The following REEP1 variants were observed in gnomAD, a reference collection of about 807,000 sequenced individuals.
REEP1 encodes the protein receptor expression-enhancing protein 1.
A neutral mutation model predicts 40.3 loss-of-function variants in REEP1; 22 were observed. The observed-to-expected ratio is 0.55, with a 90% CI of 0.39 to 0.78. REEP1 has a LOEUF of 0.78. REEP1 is among the 30% of genes least tolerant of loss of function. The pLI, the probability that REEP1 is intolerant of heterozygous loss-of-function variation, is 0.00. For missense variants in REEP1, 280 were observed against 361.1 expected (o/e 0.78, Z 1.82); for synonymous variants, 116 against 139.2 (o/e 0.83, Z 1.17).
At chr2:86,316,548 C>CAAAAA (rs58561932) in intron 1 of REEP1, among the ~76,000 whole-genome samples, 1,466 of 70,344 alleles carry the variant, frequency 0.021, 32 homozygotes, top group East Asian at 0.05. Context: ...AACTCTGTCT[C>CAAAAA]AAAAAAAAAA....
intron 1 of REEP1, among the ~76,000 whole-genome samples, chr2:86,300,732 T>C (rs1368666425): frequency 6.6e-6 from 1 of 152,182 alleles, no homozygotes; most frequent in Non-Finnish European, 1.5e-5. Flanking sequence ...TAAGGCCAGT[T>C]GGTTTTATCT....
intron 5 of REEP1, among the ~76,000 whole-genome samples, chr2:86,234,847 C>G (rs1006941232): frequency 4.6e-5 from 7 of 152,056 alleles, no homozygotes; most frequent in African/African-American, 1.7e-4. Flanking sequence ...AGCCAGACAC[C>G]CATTATATAA....
intron 2 of REEP1, among the ~76,000 whole-genome samples, chr2:86,265,370 G>A (rs1184511012): frequency 1.3e-5 from 2 of 152,090 alleles, no homozygotes; most frequent in East Asian, 1.9e-4. Flanking sequence ...AACACTAAGA[G>A]ATTAACTCTA....
In REEP1 at chr2:86,294,802, T is replaced by G. The variant is rs374745860; in HGVS notation, c.33-12560A>C. On this transcript the variant is annotated intron_variant, in intron 1 of 8. Coordinates refer to ENST00000538924, the MANE Select transcript of REEP1 (RefSeq NM_001371279.1). ...AACTTGTTCCAGAAAGGATCTGAGATGGCTTGGTTATAAATAATTGTGTGG... is the reference window on the plus strand; with the variant it reads ...AACTTGTTCCAGAAAGGATCTGAGAGGGCTTGGTTATAAATAATTGTGTGG... Among the ~76,000 whole-genome samples, 124 of 152,220 alleles carry G rather than the reference T, an allele frequency of 8.1e-4. 3 individuals are homozygous for G. In the South Asian group the frequency reaches 0.025, roughly 31 times the overall value.
rs1212558506 is a variant in REEP1, at chr2:86,217,005, A to T, written c.*34T>A. On this transcript the variant is annotated 3_prime_UTR_variant, in exon 9 of 9. Coordinates refer to ENST00000538924, the MANE Select transcript of REEP1 (RefSeq NM_001371279.1). The stretch of plus-strand genomic sequence containing the variant: ...TAGCTCTTTAAGGCAGAGAAGAAAC[A>T]TTCTGTGGATCCGGTGCTGTTGGCT... 1.3e-6 allele frequency: 2 copies of T among 1,587,264 alleles called. No homozygotes were observed. The highest frequency in any genetic ancestry group is 1.7e-5 in the Admixed American group (1 of 59,970).
chr2:86,297,633 C>G, intron 1 of REEP1: 1 of 895,684 alleles, frequency 1.1e-6, no homozygotes, highest in Non-Finnish European at 1.3e-6. Flanking sequence ...AAGAGAGATT[C>G]TCCCCGGGGG....
chr2:86,322,282 GT>G (rs1431630905), intron 1 of REEP1, among the ~76,000 whole-genome samples: 1 of 152,176 alleles, frequency 6.6e-6, no homozygotes, highest in Non-Finnish European at 1.5e-5. Context: ...GGTGGCTCAT[GT>G]TGGTAACCCC....
chr2:86,257,309 TA>T (rs1057134320), intron 3 of REEP1, among the ~76,000 whole-genome samples: 10 of 149,530 alleles, frequency 6.7e-5, no homozygotes, highest in Admixed American at 2.0e-4. Flanking sequence ...AGATGTCTTT[TA>T]AAAAAAATAG....
At chr2:86,322,510 G>C (rs1382289306) in intron 1 of REEP1, among the ~76,000 whole-genome samples, 1 of 152,144 alleles carries the variant, frequency 6.6e-6, no homozygotes, top group Non-Finnish European at 1.5e-5. Context: ...CTCCTGAGTA[G>C]CTGGGACCAC....
chr2:86,309,864 A>G (rs976170769), intron 1 of REEP1, among the ~76,000 whole-genome samples: 11 of 152,286 alleles, frequency 7.2e-5, no homozygotes, highest in African/African-American at 2.6e-4. Context: ...TGGGGGGGCA[A>G]TTGGCTGCCT....
chr2:86,280,766 G>A (rs1023965643), intron 2 of REEP1, among the ~76,000 whole-genome samples: 8 of 152,212 alleles, frequency 5.3e-5, no homozygotes, highest in Non-Finnish European at 1.2e-4. Flanking sequence ...AAGTTGTTCT[G>A]GGAAAGTGGG....
At chr2:86,285,927 G>C (rs1414858509) in intron 1 of REEP1, among the ~76,000 whole-genome samples, 1 of 152,126 alleles carries the variant, frequency 6.6e-6, no homozygotes, top group African/African-American at 2.4e-5. Context: ...AAGATGGAAG[G>C]CTGGAGTGCC....
chr2:86,333,856 T>C (rs1573073065), intron 1 of REEP1, among the ~76,000 whole-genome samples: 1 of 152,266 alleles, frequency 6.6e-6, no homozygotes, highest in African/African-American at 2.4e-5. Flanking sequence ...GCTATTGCAC[T>C]GAGTATCTCT....
chr2:86,327,771 G>A (rs1176953292), intron 1 of REEP1, among the ~76,000 whole-genome samples: 1 of 152,056 alleles, frequency 6.6e-6, no homozygotes, highest in African/African-American at 2.4e-5. Flanking sequence ...ATTTCACCGT[G>A]TTAGCCAGGA....
Position 86,322,065 on chromosome 2 carries a change from A to G in REEP1, c.32+15414T>C, listed in dbSNP as rs1183758925. Reference sequence around the variant, plus strand: ...GTTGTATTCTTCCAACAGTTGGAAGATGAAATTTTATTAAGATACTAAATA... The same window carrying G: ...GTTGTATTCTTCCAACAGTTGGAAGGTGAAATTTTATTAAGATACTAAATA... On this transcript the variant is annotated intron_variant, in intron 1 of 8. Transcript: ENST00000538924. Among the ~76,000 whole-genome samples the G allele has an allele frequency of 3.9e-5, 6 of 152,368 alleles. No individual in the cohort carries two copies. In the East Asian group the frequency reaches 1.2e-3, roughly 29 times the overall value.
At chr2:86,319,874 T>A (rs1680203611) in intron 1 of REEP1, among the ~76,000 whole-genome samples, 1 of 151,998 alleles carries the variant, frequency 6.6e-6, no homozygotes, top group Non-Finnish European at 1.5e-5. Flanking sequence ...AGGCAGAGAT[T>A]AAAGTGACGC....
At position 86,287,918 on chromosome 2, in the gene REEP1, G is replaced by A. The variant is rs184246074; in HGVS notation, c.33-5676C>T. 2.0e-5 allele frequency among the ~76,000 whole-genome samples: 3 copies of A among 152,230 alleles called. No individual in the cohort carries two copies. In the East Asian group the frequency reaches 5.8e-4, roughly 29 times the overall value. On this transcript the variant is annotated intron_variant, in intron 1 of 8. Transcript: ENST00000538924. Reference sequence around the variant, plus strand: ...ATCTTCTACAAATGGAATCACACTAGATGTATTCCACTGTGATATGTTTTT... The same window carrying A: ...ATCTTCTACAAATGGAATCACACTAAATGTATTCCACTGTGATATGTTTTT...
intron 5 of REEP1, among the ~76,000 whole-genome samples, chr2:86,245,439 C>T (rs1675884388): frequency 6.6e-6 from 1 of 152,224 alleles, no homozygotes; most frequent in African/African-American, 2.4e-5. Context: ...CCCGCTCCCA[C>T]TAGCTACTCT....
chr2:86,300,871 C>T (rs376167214), intron 1 of REEP1, among the ~76,000 whole-genome samples: 6 of 152,170 alleles, frequency 3.9e-5, no homozygotes, highest in Non-Finnish European at 5.9e-5. Context: ...CTTGAACTTG[C>T]ATCCACTGGG....
Sources: allele counts gnomAD v4.1 joint callset (sites outside exome capture counted in the v4.1 genomes callset), GRCh38; gene constraint gnomAD v4.1.1; transcripts MANE v1.5; gene names NCBI Gene and HGNC (gene_info 2026-07-23, HGNC 2026-07-21).